The following SEC23B variants were observed in gnomAD, a reference collection of about 807,000 sequenced individuals.
SEC23B encodes the protein protein transport protein Sec23B.
SEC23B carries 77 observed loss-of-function variants against 104.3 expected under a neutral mutation model. The ratio of observed to expected loss-of-function variants is 0.74; its 90% CI spans 0.61 to 0.89. SEC23B has a LOEUF of 0.89. Ranked by LOEUF, SEC23B falls within the 40% of genes least tolerant of loss-of-function variation. The pLI is 0.00. For missense variants in SEC23B, 885 were observed against 949.4 expected (o/e 0.93, Z 0.89); for synonymous variants, 338 against 332.5 (o/e 1.02, Z -0.18).
At chr20:18,524,377 G>A (rs2060114445) in intron 4 of SEC23B, 56 bp from the exon 5 acceptor site, 6 of 1,315,710 alleles carry the variant, frequency 4.6e-6, no homozygotes, top group East Asian at 2.3e-5. Flanking sequence ...GCCTTAAAAA[G>A]TGCTGGTTAA....
chr20:18,546,201 A>G lies in SEC23B; in HGVS notation c.1743+168A>G, dbSNP rs111951711. Among the ~76,000 whole-genome samples the G allele has an allele frequency of 8.0e-3, 1,215 of 152,298 alleles. 8 individuals carry two copies. Among genetic ancestry groups the G allele is most frequent in the Middle Eastern group, 0.014 (4 of 294 alleles). ...ATGTGTCTAGGCAAGACAGCACCCT[A>G]CGCCCTACAGAAGATAGAGATGACA... is the stretch of plus-strand genomic sequence containing the variant. On this transcript the variant is annotated intron_variant, in intron 15 of 19. Transcript: ENST00000650089.
chr20:18,508,716 C>CT (rs398035473), intron 1 of SEC23B, among the ~76,000 whole-genome samples: 21,495 of 96,404 alleles, frequency 0.22, 3,261 homozygotes, highest in East Asian at 0.44. Flanking sequence ...GCAGTAGCTT[C>CT]TTTTTTTTTT....
intron 11 of SEC23B, 142 bp from the exon 12 acceptor site, chr20:18,535,508 GAGA>G (rs1298916598): frequency 2.0e-5 from 13 of 660,340 alleles, no homozygotes; most frequent in South Asian, 1.2e-4. Context: ...CTCTTTTCAG[GAGA>G]AGGTTTTATT....
intron 11 of SEC23B, among the ~76,000 whole-genome samples, chr20:18,534,215 G>A (rs2060208963): frequency 1.3e-5 from 2 of 152,052 alleles, no homozygotes; most frequent in Admixed American, 6.5e-5. Flanking sequence ...CCTTAAGCAC[G>A]TCAGTATGCA....
intron 12 of SEC23B, among the ~76,000 whole-genome samples, chr20:18,537,819 C>T (rs559052927): frequency 6.6e-6 from 1 of 152,296 alleles, no homozygotes; most frequent in South Asian, 2.1e-4. Context: ...TAATGCTCAT[C>T]TGATCCTTTA....
At position 18,560,316 on chromosome 20, in the gene SEC23B, AG is replaced by A. The variant is rs535517335; in HGVS notation, c.2215-333del. ...TGGTAAGCAGAGCACTTAAGAGGAA[AG>A]GCAGGCATATGGGCCTCCGTGAGCT... On this transcript the variant is annotated intron_variant, in intron 19 of 19. Coordinates refer to ENST00000650089, the MANE Select transcript of SEC23B (RefSeq NM_006363.6). Among the ~76,000 whole-genome samples, 25 of 152,288 alleles carry A rather than the reference AG, an allele frequency of 1.6e-4. No individual in the cohort carries two copies. In the South Asian group the frequency reaches 5.0e-3, roughly 30 times the overall value.
At chr20:18,554,601 G>A (rs2060418261) in intron 18 of SEC23B, among the ~76,000 whole-genome samples, 1 of 152,098 alleles carries the variant, frequency 6.6e-6, no homozygotes, top group Non-Finnish European at 1.5e-5. Flanking sequence ...GCCGAGGCGG[G>A]CGGATCATGA....
chr20:18,554,478 T>C, intron 18 of SEC23B, 88 bp downstream of exon 18: 3 of 1,484,240 alleles, frequency 2.0e-6, no homozygotes, highest in South Asian at 1.1e-5. Context: ...GGTTAATATT[T>C]TATGTGATGA....
At chr20:18,548,804 G>A in intron 16 of SEC23B, 34 bp downstream of exon 16, 4 of 1,601,734 alleles carry the variant, frequency 2.5e-6, no homozygotes, top group South Asian at 1.1e-5. Flanking sequence ...CCTGAGGATT[G>A]GAATCACCTA....
At chr20:18,513,878 AC>A (rs2060002565) in intron 3 of SEC23B, among the ~76,000 whole-genome samples, 1 of 152,200 alleles carries the variant, frequency 6.6e-6, no homozygotes, top group Non-Finnish European at 1.5e-5. Context: ...TCTCAGATCT[AC>A]CACTTATTTC....
intron 4 of SEC23B, among the ~76,000 whole-genome samples, chr20:18,518,031 T>C (rs1053776767): frequency 3.9e-5 from 6 of 152,248 alleles, no homozygotes; most frequent in Non-Finnish European, 5.9e-5. Context: ...GAGGTGTGTT[T>C]TTAAAAGACC....
chr20:18,512,254 C>A lies in SEC23B; in HGVS notation c.251C>A (p.Ala84Asp). 1 of 1,591,748 alleles carries A rather than the reference C, an allele frequency of 6.3e-7. No individual in the cohort carries two copies. The highest frequency in any genetic ancestry group is 8.6e-7 in the Non-Finnish European group (1 of 1,162,802). ...GTTGATTATCGAGCAAAACTTTGGG[C>A]CTGTAATTTCTGTTTTCAAAGAAAT... ...CQVDYRAKLW[A>D]CNFCFQRNQF... The change falls in exon 3 of 20, where the codon GCC (alanine) becomes GAC (aspartate). Residue 84 changes from alanine to aspartate, a missense_variant. Physicochemically the swap from Ala to Asp is moderately radical, Grantham distance 126. Coordinates refer to ENST00000650089, the MANE Select transcript of SEC23B (RefSeq NM_006363.6).
At chr20:18,536,410 C>T (rs1200949317) in intron 12 of SEC23B, among the ~76,000 whole-genome samples, 1 of 152,166 alleles carries the variant, frequency 6.6e-6, no homozygotes, top group East Asian at 1.9e-4. Flanking sequence ...CCACATATAA[C>T]GGCCGGGTGC....
At chr20:18,543,812 A>G (rs1190424103) in intron 14 of SEC23B, among the ~76,000 whole-genome samples, 2 of 152,214 alleles carry the variant, frequency 1.3e-5, no homozygotes, top group Non-Finnish European at 2.9e-5. Flanking sequence ...GGAACTTACT[A>G]GAAATTCACT....
intron 19 of SEC23B, among the ~76,000 whole-genome samples, chr20:18,556,865 A>G (rs1430600885): frequency 1.3e-5 from 2 of 152,176 alleles, no homozygotes; most frequent in East Asian, 1.9e-4. Context: ...GTGTGGTGGC[A>G]TGCGCCTGTA....
rs2060486742 is a variant in SEC23B, at chr20:18,560,916, C to T, written c.*176C>T. ...ATTCCTGTCTTTGTCCTTTTTCTTG[C>T]ACTATAAAATTATAAGGTCATAAAT... On this transcript the variant is annotated 3_prime_UTR_variant, in exon 20 of 20. Coordinates refer to ENST00000650089, the MANE Select transcript of SEC23B (RefSeq NM_006363.6). The T allele has an allele frequency of 4.8e-6, 3 of 623,912 alleles. No homozygotes were observed. Among genetic ancestry groups the T allele is most frequent in the Admixed American group, 5.1e-5 (2 of 39,384 alleles). 38.6% of individuals were successfully genotyped at this position (623,912 alleles called of 1,614,324 possible).
At chr20:18,510,666 T>C (rs2059973211) in intron 1 of SEC23B, among the ~76,000 whole-genome samples, 156 bp from the exon 2 acceptor site, 1 of 152,166 alleles carries the variant, frequency 6.6e-6, no homozygotes, top group African/African-American at 2.4e-5. Context: ...CTTGGGAGGC[T>C]GTGGCAGGAG....
rs115291086 is a variant in SEC23B at position 18,515,602 on chromosome 20, T to C, written c.280-48T>C. 9.0e-4 allele frequency: 964 copies of C among 1,066,770 alleles called. 7 individuals are homozygous for C. In the African/African-American group the frequency reaches 0.012, roughly 14 times the overall value. The allele number at this position is 1,066,770 out of a possible 1,614,324, so 66.1% of individuals were successfully genotyped here. On this transcript the variant is annotated intron_variant, in intron 3 of 19. Transcript: ENST00000650089. Reference sequence around the variant, plus strand: ...ATTTTTACACATGGAAAATAAAAAGTGTAATATAGTTATGCCAACCCTAAT... The same window carrying C: ...ATTTTTACACATGGAAAATAAAAAGCGTAATATAGTTATGCCAACCCTAAT...
intron 14 of SEC23B, 51 bp from the exon 15 acceptor site, chr20:18,545,905 C>G (rs2060327233): frequency 9.3e-7 from 1 of 1,074,034 alleles, no homozygotes; most frequent in African/African-American, 1.5e-5. Context: ...TTAGATTTTT[C>G]TCTCTCTTTT....
Sources: gnomAD v4.1 joint callset for allele counts (sites outside exome capture counted in the v4.1 genomes callset) on GRCh38, gnomAD v4.1.1 for gene constraint, MANE v1.5 for transcripts, NCBI Gene and HGNC (gene_info 2026-07-23, HGNC 2026-07-21) for gene names.